The following NEK7 variants were observed in gnomAD, a reference collection of about 807,000 sequenced individuals.
NEK7 encodes serine/threonine-protein kinase Nek7.
NEK7 carries 18 observed loss-of-function variants against 44.6 expected under a neutral mutation model. The ratio of observed to expected loss-of-function variants is 0.40; its 90% CI spans 0.28 to 0.60. The LOEUF is 0.60. Ranked by LOEUF, NEK7 falls within the 20% of genes least tolerant of loss-of-function variation. The pLI, the probability that NEK7 is intolerant of heterozygous loss-of-function variation, is 0.38. For missense variants in NEK7, 256 were observed against 366.5 expected, an observed-to-expected ratio of 0.70 and a Z score of 2.46; for synonymous variants, 130 against 121.1, an observed-to-expected ratio of 1.07 and a Z score of -0.48.
intron 1 of NEK7, among the ~76,000 whole-genome samples, chr1:198,172,191 G>C (rs1571499874): frequency 6.6e-6 from 1 of 152,158 alleles, no homozygotes; most frequent in South Asian, 2.1e-4. Context: ...TTTTGGCTGG[G>C]GTGTGGATTG....
chr1:198,175,770 C>T (rs969170131), intron 1 of NEK7, among the ~76,000 whole-genome samples: 3 of 152,070 alleles, frequency 2.0e-5, no homozygotes, highest in Non-Finnish European at 2.9e-5. Context: ...TTAAAAGGGC[C>T]GAATAAGTAT....
chr1:198,315,686 C>T (rs375655212), intron 9 of NEK7, among the ~76,000 whole-genome samples: 9 of 151,960 alleles, frequency 5.9e-5, no homozygotes, highest in African/African-American at 1.5e-4. Flanking sequence ...TGGTTGCTGA[C>T]GGTTAGGCAG....
chr1:198,211,495 A>T (rs142029882), intron 1 of NEK7, among the ~76,000 whole-genome samples: 1 of 152,220 alleles, frequency 6.6e-6, no homozygotes, highest in African/African-American at 2.4e-5. Flanking sequence ...GTGTGTACAC[A>T]TGTGCTTACT....
At chr1:198,209,734 C>T (rs1408797378) in intron 1 of NEK7, among the ~76,000 whole-genome samples, 1 of 149,006 alleles carries the variant, frequency 6.7e-6, no homozygotes, top group Non-Finnish European at 1.5e-5. Context: ...TTCCTAGGCT[C>T]AAGCGATCCT....
intron 5 of NEK7, among the ~76,000 whole-genome samples, chr1:198,269,038 A>G (rs1271555904): frequency 2.0e-5 from 3 of 152,026 alleles, no homozygotes; most frequent in African/African-American, 7.2e-5. Flanking sequence ...CCCTTCCTAC[A>G]TAGCACTTAG....
chr1:198,204,098 A>T (rs1463316593), intron 1 of NEK7, among the ~76,000 whole-genome samples: 2 of 152,054 alleles, frequency 1.3e-5, no homozygotes, highest in African/African-American at 4.8e-5. Flanking sequence ...TCTACAAAAA[A>T]ATTTCTTAAA....
At chr1:198,240,694 TTG>T (rs1553252588) in intron 2 of NEK7, among the ~76,000 whole-genome samples, 2 of 147,390 alleles carry the variant, frequency 1.4e-5, no homozygotes, top group African/African-American at 4.9e-5. Flanking sequence ...AATAATTTTT[TTG>T]TTGTTGTTCT....
At chr1:198,216,495 T>C (rs1173806281) in intron 1 of NEK7, among the ~76,000 whole-genome samples, 1 of 151,856 alleles carries the variant, frequency 6.6e-6, no homozygotes, top group Non-Finnish European at 1.5e-5. Context: ...AGATCACAAA[T>C]TGGCAACCCA....
chr1:198,231,546 G>C (rs1011741327), intron 1 of NEK7, among the ~76,000 whole-genome samples: 1 of 151,394 alleles, frequency 6.6e-6, no homozygotes, highest in Non-Finnish European at 1.5e-5. Context: ...GCTTACATTA[G>C]AAAATAATAT....
intron 9 of NEK7, among the ~76,000 whole-genome samples, chr1:198,298,595 A>C (rs1654781514): frequency 6.6e-6 from 1 of 152,258 alleles, no homozygotes; most frequent in African/African-American, 2.4e-5. Context: ...TCACAAAACC[A>C]ACTTCAGAAC....
chr1:198,163,941 T>G (rs980957080), intron 1 of NEK7, among the ~76,000 whole-genome samples: 2 of 152,298 alleles, frequency 1.3e-5, no homozygotes, highest in African/African-American at 4.8e-5. Flanking sequence ...GCTTTGAGTA[T>G]TTACAATATC....
At chr1:198,242,238 C>T (rs1666704256) in intron 2 of NEK7, among the ~76,000 whole-genome samples, 1 of 152,096 alleles carries the variant, frequency 6.6e-6, no homozygotes, top group Non-Finnish European at 1.5e-5. Flanking sequence ...TACTCATCCT[C>T]CTTCCCAGTT....
intron 1 of NEK7, among the ~76,000 whole-genome samples, chr1:198,160,432 G>A (rs1416721728): frequency 6.6e-6 from 1 of 152,034 alleles, no homozygotes; most frequent in Non-Finnish European, 1.5e-5. Context: ...CTCATTCCCG[G>A]TTTCATTCAC....
intron 2 of NEK7, among the ~76,000 whole-genome samples, chr1:198,249,499 T>A (rs1652835761): frequency 6.6e-6 from 1 of 152,058 alleles, no homozygotes; most frequent in African/African-American, 2.4e-5. Context: ...TAGTTTATAG[T>A]CCCACCAACA....
At position 198,189,071 on chromosome 1, in the gene NEK7, C is replaced by T. The variant is rs183991126; in HGVS notation, c.-29+31795C>T. Among the ~76,000 whole-genome samples, 29 of 152,236 alleles carry T rather than the reference C, an allele frequency of 1.9e-4. 1 individual carries two copies. The East Asian group carries it at 2.9e-3, about 15-fold the overall frequency. ...CAATAAAATTGTTACTCTCTTGAAA[C>T]TTCAAAATCCTAAGTTAACAGTTTG... is the stretch of plus-strand genomic sequence containing the variant. On this transcript the variant is annotated intron_variant, in intron 1 of 9. Coordinates refer to ENST00000367385, the MANE Select transcript of NEK7 (RefSeq NM_133494.3).
intron 2 of NEK7, among the ~76,000 whole-genome samples, chr1:198,245,739 G>T (rs1666818799): frequency 6.6e-6 from 1 of 152,014 alleles, no homozygotes; most frequent in African/African-American, 2.4e-5. Context: ...CATAAAAGTT[G>T]AAGGTCCTCT....
intron 4 of NEK7, 32 bp downstream of exon 4, chr1:198,262,669 T>C: frequency 7.6e-7 from 1 of 1,310,060 alleles, no homozygotes; most frequent in Non-Finnish European, 1.1e-6. Context: ...CTTTTGAACA[T>C]AACATGGTGA....
chr1:198,302,260 AC>A (rs1460163781), intron 9 of NEK7, among the ~76,000 whole-genome samples: 2 of 152,104 alleles, frequency 1.3e-5, no homozygotes, highest in Non-Finnish European at 2.9e-5. Context: ...TGAATCATAA[AC>A]TTTTACCTCA....
At chr1:198,275,610 A>G (rs753633817) in intron 5 of NEK7, among the ~76,000 whole-genome samples, 3 of 151,340 alleles carry the variant, frequency 2.0e-5, no homozygotes, top group Non-Finnish European at 4.4e-5. Context: ...TTTTAAAAAG[A>G]TATGTGTTTA....
Sources: gnomAD v4.1 joint callset for allele counts (sites outside exome capture counted in the v4.1 genomes callset) on GRCh38, gnomAD v4.1.1 for gene constraint, MANE v1.5 for transcripts, NCBI Gene and HGNC (gene_info 2026-07-23, HGNC 2026-07-21) for gene names.